Variants in ANKRD55 observed in about 807,000 individuals in gnomAD.
ANKRD55 encodes ankyrin repeat domain-containing protein 55.
A neutral mutation model predicts 60.6 loss-of-function variants in ANKRD55; 41 were observed. That is an observed-to-expected ratio of 0.68 (90% CI 0.53 to 0.88). The LOEUF (loss-of-function observed/expected upper bound fraction) is 0.88. Ranked by LOEUF, ANKRD55 falls within the 40% of genes least tolerant of loss-of-function variation. The pLI, the probability that ANKRD55 is intolerant of heterozygous loss-of-function variation, is 0.00. For synonymous variants in ANKRD55, 264 were observed against 290.3 expected, an observed-to-expected ratio of 0.91 and a Z score of 0.92; for missense variants, 732 against 767.6, an observed-to-expected ratio of 0.95 and a Z score of 0.55.
At chr5:56,210,824 A>G (rs749424266) in intron 2 of ANKRD55, among the ~76,000 whole-genome samples, 14 of 152,208 alleles carry the variant, frequency 9.2e-5, no homozygotes, top group Admixed American at 2.6e-4. Flanking sequence ...AATTGTACTT[A>G]ATATAAATTT....
intron 8 of ANKRD55, among the ~76,000 whole-genome samples, chr5:56,120,041 A>AT (rs34414624): frequency 0.33 from 47,186 of 144,144 alleles, 8,180 homozygotes; most frequent in Middle Eastern, 0.52. Context: ...TCTCAACACC[A>AT]TTTTTTTTTT....
intron 11 of ANKRD55, among the ~76,000 whole-genome samples, chr5:56,101,897 T>G (rs2111650721): frequency 6.6e-6 from 1 of 152,258 alleles, no homozygotes; most frequent in East Asian, 1.9e-4. Flanking sequence ...AAGAGAATTT[T>G]TAAAGCACCT....
At chr5:56,221,579 G>A (rs1759968264) in intron 2 of ANKRD55, among the ~76,000 whole-genome samples, 1 of 152,182 alleles carries the variant, frequency 6.6e-6, no homozygotes, top group African/African-American at 2.4e-5. Context: ...AAGGGGTGGG[G>A]GAATTCCCTT....
At chr5:56,127,408 A>G (rs1757299870) in intron 7 of ANKRD55, 3 of 985,278 alleles carry the variant, frequency 3.0e-6, no homozygotes, top group Non-Finnish European at 3.6e-6. Context: ...GACTGACGTC[A>G]GAGCTAGAGT....
At chr5:56,115,608 C>A (rs1756863684) in intron 9 of ANKRD55, among the ~76,000 whole-genome samples, 1 of 152,178 alleles carries the variant, frequency 6.6e-6, no homozygotes, top group Non-Finnish European at 1.5e-5. Context: ...AGGTGTGAGC[C>A]ACCATGCCCA....
rs1327702990 is a variant in ANKRD55, at chr5:56,232,739, C to T, written c.58+117G>A. 3 of 849,122 alleles carry T rather than the reference C, an allele frequency of 3.5e-6. No homozygotes were observed. In the African/African-American group the frequency reaches 7.8e-5, roughly 22 times the overall value. 52.6% of individuals were successfully genotyped at this position (849,122 alleles called of 1,614,324 possible). ...TAGCAAATACTCATGCACACCCACG[C>T]ACATGAACACACACACACACACACA... On this transcript the variant is annotated intron_variant, in intron 2 of 11. Coordinates refer to ENST00000341048, the MANE Select transcript of ANKRD55 (RefSeq NM_024669.3).
At chr5:56,148,804 C>T (rs1477302192) in intron 6 of ANKRD55, among the ~76,000 whole-genome samples, 3 of 151,094 alleles carry the variant, frequency 2.0e-5, no homozygotes, top group Non-Finnish European at 4.4e-5. Context: ...TGGCTGGGTG[C>T]TTGGTTTGTT....
chr5:56,136,114 A>G lies in ANKRD55; in HGVS notation c.612+7687T>C, dbSNP rs1053727423. On this transcript the variant is annotated intron_variant, in intron 7 of 11. Coordinates refer to ENST00000341048, the MANE Select transcript of ANKRD55 (RefSeq NM_024669.3). ...GGGTAAGAGCAAAATAAAAATTATA[A>G]AAATAAATAAATAAATGGATATTGC... Among the ~76,000 whole-genome samples the G allele has an allele frequency of 3.9e-4, 59 of 152,188 alleles. 1 individual carries two copies. Among genetic ancestry groups the G allele is most frequent in the Non-Finnish European group, 6.3e-4 (43 of 68,046 alleles).
intron 8 of ANKRD55, among the ~76,000 whole-genome samples, chr5:56,125,027 C>T (rs745332690): frequency 6.6e-6 from 1 of 152,100 alleles, no homozygotes; most frequent in Non-Finnish European, 1.5e-5. Flanking sequence ...TTTTACTTTC[C>T]ACCATGAGGC....
intron 2 of ANKRD55, among the ~76,000 whole-genome samples, chr5:56,220,956 G>A (rs765538757): frequency 4.6e-5 from 7 of 152,196 alleles, no homozygotes; most frequent in Non-Finnish European, 1.0e-4. Flanking sequence ...AAGAGAAGGA[G>A]AAGGCTAAGC....
chr5:56,213,291 A>G (rs576413632), intron 2 of ANKRD55, among the ~76,000 whole-genome samples: 39 of 152,340 alleles, frequency 2.6e-4, no homozygotes, highest in African/African-American at 8.2e-4. Context: ...GAATATATTT[A>G]AGTATTTGCT....
At chr5:56,163,563 G>C (rs1485570219) in intron 5 of ANKRD55, among the ~76,000 whole-genome samples, 1 of 152,180 alleles carries the variant, frequency 6.6e-6, no homozygotes, top group African/African-American at 2.4e-5. Flanking sequence ...CCCAGCAAGA[G>C]CAGTCCCAGA....
chr5:56,170,446 A>G (rs771630905), intron 5 of ANKRD55, among the ~76,000 whole-genome samples: 5 of 152,202 alleles, frequency 3.3e-5, no homozygotes, highest in Non-Finnish European at 7.3e-5. Context: ...TGAATATATG[A>G]ATTCTGATAA....
At chr5:56,202,517 A>G (rs1453235224) in intron 2 of ANKRD55, among the ~76,000 whole-genome samples, 4 of 152,120 alleles carry the variant, frequency 2.6e-5, no homozygotes, top group Non-Finnish European at 5.9e-5. Flanking sequence ...AGATGATAAG[A>G]GTGTTTTAGA....
At chr5:56,144,703 G>A (rs370651460) in intron 6 of ANKRD55, among the ~76,000 whole-genome samples, 7 of 152,222 alleles carry the variant, frequency 4.6e-5, no homozygotes, top group African/African-American at 1.4e-4. Context: ...CACTGTGGCA[G>A]CTTGGAGAAC....
intron 7 of ANKRD55, among the ~76,000 whole-genome samples, chr5:56,129,301 T>C (rs1367986273): frequency 3.3e-5 from 5 of 152,190 alleles, no homozygotes; most frequent in Non-Finnish European, 7.3e-5. Flanking sequence ...TGTTATTAAA[T>C]AGGGAAAGAA....
At chr5:56,124,950 G>A (rs1216047983) in intron 8 of ANKRD55, among the ~76,000 whole-genome samples, 1 of 152,210 alleles carries the variant, frequency 6.6e-6, no homozygotes, top group Non-Finnish European at 1.5e-5. Flanking sequence ...GATTGGAAAG[G>A]ACTCTTCTGG....
At chr5:56,233,024 G>C (rs1760297169) in intron 1 of ANKRD55, 78 bp from the exon 2 acceptor site, 2 of 981,338 alleles carry the variant, frequency 2.0e-6, no homozygotes, top group Non-Finnish European at 3.2e-6. Context: ...CAAGACCTCT[G>C]TTTCAGGATT....
At chr5:56,122,652 C>T (rs1580954483) in intron 8 of ANKRD55, among the ~76,000 whole-genome samples, 1 of 151,920 alleles carries the variant, frequency 6.6e-6, no homozygotes. Context: ...GGGTGAGACT[C>T]TGTCTCCAAA....
Sources: gnomAD v4.1 joint callset for allele counts (sites outside exome capture counted in the v4.1 genomes callset) on GRCh38, gnomAD v4.1.1 for gene constraint, MANE v1.5 for transcripts, NCBI Gene and HGNC (gene_info 2026-07-23, HGNC 2026-07-21) for gene names.